Variants in GGA2 observed in about 807,000 individuals in gnomAD.
The protein encoded by GGA2 is ADP-ribosylation factor-binding protein GGA2.
In GGA2, 48 loss-of-function variants were observed where a neutral mutation model predicts 79.5. That is an observed-to-expected ratio of 0.60 (90% CI 0.48 to 0.77). The LOEUF is 0.77. Ranked by LOEUF, GGA2 falls within the 30% of genes least tolerant of loss-of-function variation. The pLI is 0.00. For synonymous variants in GGA2, 317 were observed against 302.0 expected (o/e 1.05, Z -0.51); for missense variants, 770 against 774.0 (o/e 0.99, Z 0.06).
intron 14 of GGA2, among the ~76,000 whole-genome samples, chr16:23,472,362 T>C (rs893693876): frequency 1.3e-5 from 2 of 151,248 alleles, no homozygotes; most frequent in Admixed American, 1.3e-4. Flanking sequence ...CCTGGCTAAT[T>C]TTTTTTGTAG....
At chr16:23,501,053 G>A (rs557812188) in intron 1 of GGA2, 8 of 361,638 alleles carry the variant, frequency 2.2e-5, no homozygotes, top group Admixed American at 3.7e-5. Context: ...ACAACATAAA[G>A]CACAGATACG....
At chr16:23,511,213 T>G (rs1205470296), upstream of GGA2, among the ~76,000 whole-genome samples, 1 of 151,644 alleles carries the variant, frequency 6.6e-6, no homozygotes, top group East Asian at 1.9e-4. Flanking sequence ...AGTGCAGGGG[T>G]GCCATCTCGG....
chr16:23,486,984 GT>G lies in GGA2; in HGVS notation c.580-195del, dbSNP rs35896041. ...TACACCACTGGTTTTCTTTTCTGTT[GT>G]TTTTTTTTTTTTTTTGAGACGGGGT... On this transcript the variant is annotated intron_variant, in intron 6 of 16. Coordinates refer to ENST00000309859, the MANE Select transcript of GGA2 (RefSeq NM_015044.4). Among the ~76,000 whole-genome samples, 1,121 of 133,170 alleles carry G rather than the reference GT, an allele frequency of 8.4e-3. 9 individuals are homozygous for G. The highest frequency in any genetic ancestry group is 0.012 in the Non-Finnish European group (781 of 64,204). The allele number at this position is 133,170 out of a possible 152,430, so 87.4% of individuals were successfully genotyped here. A position where few individuals can be genotyped will look rare whatever the true frequency, so the allele number is the denominator to read the frequency against.
At chr16:23,473,222 A>T (rs1964535696) in intron 14 of GGA2, among the ~76,000 whole-genome samples, 1 of 151,612 alleles carries the variant, frequency 6.6e-6, no homozygotes, top group African/African-American at 2.4e-5. Context: ...ATTATTAAGA[A>T]CTGTATGTAC....
At position 23,466,250 on chromosome 16, in the gene GGA2, A is replaced by C. The variant is rs1256713554; in HGVS notation, c.*1340T>G. 2.0e-5 allele frequency: 3 copies of C among 152,152 alleles called. No homozygotes were observed. Among genetic ancestry groups the C allele is most frequent in the Non-Finnish European group, 4.4e-5 (3 of 68,030 alleles). 9.4% of individuals were successfully genotyped at this position (152,152 alleles called of 1,614,324 possible). A position where few individuals can be genotyped will look rare whatever the true frequency, so the allele number is the denominator to read the frequency against. Reference sequence around the variant, plus strand: ...CCACCCAGCCAGTTCAGCTGCTTGGACTTCAAAGCCCTCCGCCTAGCCATC... The same window carrying C: ...CCACCCAGCCAGTTCAGCTGCTTGGCCTTCAAAGCCCTCCGCCTAGCCATC... On this transcript the variant is annotated 3_prime_UTR_variant, in exon 17 of 17. Transcript: ENST00000309859.
At chr16:23,490,609 C>T (rs1295943712) in intron 5 of GGA2, among the ~76,000 whole-genome samples, 1 of 151,978 alleles carries the variant, frequency 6.6e-6, no homozygotes, top group Non-Finnish European at 1.5e-5. Flanking sequence ...GTGGCAGGTG[C>T]CTGTAATCCC....
intron 14 of GGA2, among the ~76,000 whole-genome samples, chr16:23,470,767 A>ACAAACAAT (rs56057426): frequency 7.2e-6 from 1 of 138,970 alleles, no homozygotes; most frequent in Non-Finnish European, 1.5e-5. Context: ...AAACAAACAA[A>ACAAACAAT]AAACAAAAAG....
At chr16:23,521,829 TA>T (rs1567375349) in exon 1 of GGA2, 6 of 456,066 alleles carry the variant, frequency 1.3e-5, no homozygotes, top group Middle Eastern at 3.3e-4. Context: ...TAACCATTCT[TA>T]ATGTCTTAGA....
At chr16:23,496,953 T>G (rs1358110231) in intron 1 of GGA2, among the ~76,000 whole-genome samples, 1 of 136,384 alleles carries the variant, frequency 7.3e-6, no homozygotes, top group African/African-American at 2.9e-5. Context: ...CGAGACTCCA[T>G]CTAAAAAAAA....
At chr16:23,477,338 G>A (rs894323773) in intron 13 of GGA2, among the ~76,000 whole-genome samples, 3 of 152,160 alleles carry the variant, frequency 2.0e-5, no homozygotes, top group Non-Finnish European at 4.4e-5. Context: ...TGAATCATGG[G>A]TGCAGTTTCC....
chr16:23,480,610 A>C lies in GGA2; in HGVS notation c.1006+35T>G, dbSNP rs745916811. 3.2e-6 allele frequency: 5 copies of C among 1,577,786 alleles called. No homozygotes were observed. In the South Asian group the frequency reaches 5.6e-5, roughly 18 times the overall value. Reference sequence around the variant, plus strand: ...TTTCTGGGAATTACAGGCTGCCCCAAGGCAGAGAAGGCAAGGAGAAGCTTT... The same window carrying C: ...TTTCTGGGAATTACAGGCTGCCCCACGGCAGAGAAGGCAAGGAGAAGCTTT... On this transcript the variant is annotated intron_variant, in intron 10 of 16. Transcript: ENST00000309859.
upstream of GGA2, among the ~76,000 whole-genome samples, chr16:23,512,485 C>G (rs1333580115): frequency 6.6e-6 from 1 of 152,164 alleles, no homozygotes; most frequent in Non-Finnish European, 1.5e-5. Context: ...AGCACAAATT[C>G]TTCCTTGTAG....
In GGA2 at chr16:23,493,450, C is replaced by G. The variant is rs1372863814; in HGVS notation, c.261G>C (p.Glu87Asp). The G allele has an allele frequency of 3.1e-6, 5 of 1,606,956 alleles. No individual in the cohort carries two copies. The highest frequency in any genetic ancestry group is 3.3e-5 in the Admixed American group (2 of 60,010). The change falls in exon 4 of 17, where the codon GAG becomes GAC. Residue 87 changes from glutamate to aspartate, a missense_variant. By Grantham distance (45) the Glu-to-Asp change is conservative. Transcript: ENST00000309859. Reference sequence around the variant, plus strand: ...TCTCCCCACAGTGGTTCATGCACATCTCCAGCACCTGCACAGACACAGGAC... The same window carrying G: ...TCTCCCCACAGTGGTTCATGCACATGTCCAGCACCTGCACAGACACAGGAC... ...KEALYALTVL[E>D]MCMNHCGEKF...
chr16:23,481,216 T>C (rs1310156323), intron 9 of GGA2, among the ~76,000 whole-genome samples: 1 of 152,010 alleles, frequency 6.6e-6, no homozygotes, highest in Non-Finnish European at 1.5e-5. Flanking sequence ...CAGTTTCTAC[T>C]AAAAATACAA....
intron 9 of GGA2, among the ~76,000 whole-genome samples, chr16:23,481,699 G>T (rs1016579732): frequency 3.3e-5 from 5 of 152,142 alleles, no homozygotes; most frequent in Non-Finnish European, 7.3e-5. Context: ...CTTGAACACA[G>T]GATGTAAAGG....
upstream of GGA2, among the ~76,000 whole-genome samples, chr16:23,512,123 G>A (rs767373640): frequency 6.6e-6 from 1 of 152,218 alleles, no homozygotes; most frequent in Non-Finnish European, 1.5e-5. Context: ...TGTTTGAAAG[G>A]CGGAAGAAGA....
At chr16:23,480,506 A>G (rs889232964) in intron 10 of GGA2, 139 bp downstream of exon 10, 20 of 715,698 alleles carry the variant, frequency 2.8e-5, no homozygotes, top group Non-Finnish European at 3.8e-5. Context: ...CAACATATCC[A>G]CTTTCACAGG....
intron 1 of GGA2, among the ~76,000 whole-genome samples, chr16:23,507,647 C>A (rs1964988148): frequency 6.9e-6 from 1 of 145,122 alleles, no homozygotes; most frequent in Non-Finnish European, 1.5e-5. Context: ...CTCACACACA[C>A]AAATTAGCCG....
rs773061788 is a variant in GGA2 at position 23,510,352 on chromosome 16, C to T, written c.60G>A (p.Pro20=). ...ACAGCTCCAGCGACGCTGCCGGGCC[C>T]GGGGGACCCTGGGCCGACTCGGTTC... The part of the protein sequence containing the change: ...VAGTESAQGP[P]GPAASLELWL... Residue 20 remains proline (P), a synonymous_variant, in exon 1 of 17, where the codon CCG becomes CCA. Transcript: ENST00000309859. 17 of 1,434,800 alleles carry T rather than the reference C, an allele frequency of 1.2e-5. No homozygotes were observed. The highest frequency in any genetic ancestry group is 2.7e-6 in the Non-Finnish European group (3 of 1,094,686). 88.9% of individuals were successfully genotyped at this position (1,434,800 alleles called of 1,614,324 possible). A position where few individuals can be genotyped will look rare whatever the true frequency, so the allele number is the denominator to read the frequency against.
Sources: gnomAD v4.1 joint callset for allele counts (sites outside exome capture counted in the v4.1 genomes callset) on GRCh38, gnomAD v4.1.1 for gene constraint, MANE v1.5 for transcripts, NCBI Gene and HGNC (gene_info 2026-07-23, HGNC 2026-07-21) for gene names.